SLC30A4: variants seen among roughly 807,000 people sequenced by gnomAD.
The protein encoded by SLC30A4 is solute carrier family 30 member 4, also known as probable proton-coupled zinc antiporter SLC30A4.
A neutral mutation model predicts 41.7 loss-of-function variants in SLC30A4; 20 were observed. The ratio of observed to expected loss-of-function variants is 0.48; its 90% CI spans 0.34 to 0.70. The LOEUF (loss-of-function observed/expected upper bound fraction) is 0.70, where lower values mean the gene tolerates loss of function less well. Among genes scored for constraint, SLC30A4 ranks in the 30% least tolerant of loss-of-function variants. The pLI, the probability that SLC30A4 is intolerant of heterozygous loss-of-function variation, is 0.01. For synonymous variants in SLC30A4, 181 were observed against 195.9 expected (o/e 0.92, Z 0.64); for missense variants, 441 against 529.3 (o/e 0.83, Z 1.64).
intron 2 of SLC30A4, among the ~76,000 whole-genome samples, chr15:45,519,071 G>C (rs1892585528): frequency 6.6e-6 from 1 of 151,506 alleles, no homozygotes; most frequent in African/African-American, 2.4e-5. Context: ...AGTAGAGATG[G>C]GGTTTCACCA....
At position 45,511,178 on chromosome 15, in the gene SLC30A4, T is replaced by C; in HGVS notation, c.498A>G (p.Lys166=). 1 of 1,613,810 alleles carries C rather than the reference T, an allele frequency of 6.2e-7. No homozygotes were observed. Among genetic ancestry groups the C allele is most frequent in the South Asian group, 1.1e-5 (1 of 91,030 alleles). ...LTLLALWLSS[K]SPTKRFTFGF... ...CAAAGGTGAATCTTTTGGTTGGTGATTTTGATGATAGCCACAAAGCAAGCA... is the reference window on the plus strand; with the variant it reads ...CAAAGGTGAATCTTTTGGTTGGTGACTTTGATGATAGCCACAAAGCAAGCA... The change falls in exon 3 of 8, where the codon AAA becomes AAG. Residue 166 remains lysine, a synonymous_variant. Transcript: ENST00000261867.
intron 3 of SLC30A4, among the ~76,000 whole-genome samples, chr15:45,503,660 C>T (rs973213179): frequency 6.6e-6 from 1 of 151,156 alleles, no homozygotes; most frequent in Non-Finnish European, 1.5e-5. Flanking sequence ...AACAAACAGG[C>T]TGTGCATGGT....
rs375242187 is a variant in SLC30A4, at chr15:45,503,093, CAT to C, written c.538+8043_538+8044del. 2.8e-3 allele frequency: 426 copies of C among 151,888 alleles called. 1 individual carries two copies. The highest frequency in any genetic ancestry group is 9.8e-3 in the African/African-American group (406 of 41,420). 9.4% of individuals were successfully genotyped at this position (151,888 alleles called of 1,614,324 possible). A position where few individuals can be genotyped will look rare whatever the true frequency, so the allele number is the denominator to read the frequency against. On this transcript the variant is annotated intron_variant, in intron 3 of 7. Transcript: ENST00000261867. The stretch of plus-strand genomic sequence containing the variant: ...TATTATCAGTTTCTATACACCTTCA[CAT>C]GTGTAATATACTTTTATTGAATACT...
intron 3 of SLC30A4, among the ~76,000 whole-genome samples, chr15:45,492,373 A>C (rs1368002992): frequency 1.3e-5 from 2 of 152,168 alleles, no homozygotes; most frequent in Admixed American, 1.3e-4. Context: ...TAATCACAAG[A>C]AAGTATTACA....
chr15:45,507,090 G>T (rs1892171956), intron 3 of SLC30A4, among the ~76,000 whole-genome samples: 1 of 152,160 alleles, frequency 6.6e-6, no homozygotes, highest in East Asian at 1.9e-4. Flanking sequence ...GGGAGGCCGA[G>T]GCGGGTGGAT....
chr15:45,488,791 A>C, intron 5 of SLC30A4, 50 bp downstream of exon 5: 1 of 1,454,812 alleles, frequency 6.9e-7, no homozygotes, highest in Non-Finnish European at 9.6e-7. Context: ...CTTAGTTTTC[A>C]TGTTGAAATT....
Position 45,483,268 on chromosome 15 carries a change from T to C in SLC30A4, c.*1895A>G, listed in dbSNP as rs1466134755. The C allele has an allele frequency of 2.0e-5, 3 of 152,228 alleles. No homozygotes were observed. Among genetic ancestry groups the C allele is most frequent in the Non-Finnish European group, 4.4e-5 (3 of 68,048 alleles). The allele number at this position is 152,228 out of a possible 1,614,324, so 9.4% of individuals were successfully genotyped here. ...AATGTTTCCTATTCTTCATTTATAT[T>C]GTAAGTCATCTGCATGCTTATCTAG... On this transcript the variant is annotated 3_prime_UTR_variant, in exon 8 of 8. Transcript: ENST00000261867.
At chr15:45,513,400 A>C (rs960998659) in intron 2 of SLC30A4, among the ~76,000 whole-genome samples, 7 of 149,626 alleles carry the variant, frequency 4.7e-5, no homozygotes, top group Admixed American at 2.7e-4. Flanking sequence ...TTTTTTCAGG[A>C]GATGAGGTCT....
Position 45,487,543 on chromosome 15 carries a change from T to C in SLC30A4, c.984A>G (p.Val328=). The C allele has an allele frequency of 6.7e-7, 1 of 1,484,502 alleles. No individual in the cohort carries two copies. 92.0% of individuals were successfully genotyped at this position (1,484,502 alleles called of 1,614,324 possible). A position where few individuals can be genotyped will look rare whatever the true frequency, so the allele number is the denominator to read the frequency against. ...FTTFRIIWDT[V]VIILEGVPSH... ...AGATCTTACCTTCTAGTATTATAAC[T>C]ACTGTATCCCATATGATTCGAAATG... The change falls in exon 6 of 8, where the codon GTA becomes GTG. Residue 328 remains valine (V), a synonymous_variant. Transcript: ENST00000261867.
chr15:45,503,916 A>C (rs1892095779), intron 3 of SLC30A4, among the ~76,000 whole-genome samples: 1 of 152,236 alleles, frequency 6.6e-6, no homozygotes, highest in African/African-American at 2.4e-5. Context: ...ATTGCACTCC[A>C]GCCTGGGCAA....
intron 3 of SLC30A4, among the ~76,000 whole-genome samples, chr15:45,508,340 G>T (rs749102233): frequency 6.6e-6 from 1 of 152,100 alleles, no homozygotes; most frequent in African/African-American, 2.4e-5. Context: ...TTTACTTGGC[G>T]GAAAGTGTAG....
intron 3 of SLC30A4, among the ~76,000 whole-genome samples, chr15:45,491,987 T>A (rs1368193825): frequency 6.6e-6 from 1 of 152,190 alleles, no homozygotes; most frequent in Non-Finnish European, 1.5e-5. Context: ...AAACTTTTTT[T>A]AAAAATCAAA....
intron 2 of SLC30A4, 45 bp from the exon 3 acceptor site, chr15:45,511,329 A>T (rs1171876150): frequency 6.3e-6 from 9 of 1,436,682 alleles, no homozygotes; most frequent in Admixed American, 2.3e-5. Context: ...TTAATTTTTT[A>T]AAAAAGCAAG....
intron 2 of SLC30A4, among the ~76,000 whole-genome samples, chr15:45,520,247 C>T (rs958872920): frequency 8.6e-5 from 13 of 151,346 alleles, no homozygotes; most frequent in Middle Eastern, 3.4e-3. Flanking sequence ...ATTTTTATTA[C>T]TTATTTATTT....
At chr15:45,497,317 G>C (rs1160386892) in intron 3 of SLC30A4, 5 of 152,172 alleles carry the variant, frequency 3.3e-5, no homozygotes, top group African/African-American at 7.2e-5. Context: ...TGATATGCCA[G>C]TATCAGCCTC....
At position 45,482,763 on chromosome 15, in the gene SLC30A4, C is replaced by G. The variant is rs1891622353; in HGVS notation, c.*2400G>C. 6.6e-6 allele frequency: 1 copy of G among 152,114 alleles called. No individual in the cohort carries two copies. The highest frequency in any genetic ancestry group is 1.5e-5 in the Non-Finnish European group (1 of 68,014). 9.4% of individuals were successfully genotyped at this position (152,114 alleles called of 1,614,324 possible). ...TTCAAGTCATTATTTTAAATGACTTCACAATAGGAATCCCATCATGTATAT... is the reference window on the plus strand; with the variant it reads ...TTCAAGTCATTATTTTAAATGACTTGACAATAGGAATCCCATCATGTATAT... On this transcript the variant is annotated 3_prime_UTR_variant, in exon 8 of 8. Transcript: ENST00000261867.
In SLC30A4 at chr15:45,522,668, GC is replaced by G. The variant is rs1825122049; in HGVS notation, c.-177del. On this transcript the variant is annotated 5_prime_UTR_variant, in exon 1 of 8. Coordinates refer to ENST00000261867, the MANE Select transcript of SLC30A4 (RefSeq NM_013309.6). ...GCCCCCGGCCGGCTCAGCGAGGCGG[GC>G]TCGCGCTGCTCCACCCGCGGCCGCA... The G allele has an allele frequency of 4.5e-6, 1 of 222,592 alleles. No homozygotes were observed. The highest frequency in any genetic ancestry group is 2.3e-5 in the African/African-American group (1 of 43,832). The allele number at this position is 222,592 out of a possible 1,614,324, so 13.8% of individuals were successfully genotyped here.
chr15:45,490,492 A>T (rs200745859), intron 4 of SLC30A4, among the ~76,000 whole-genome samples: 2 of 152,374 alleles, frequency 1.3e-5, no homozygotes, highest in East Asian at 3.8e-4. Flanking sequence ...CTAAAAGTTA[A>T]ACAAGAACAA....
intron 3 of SLC30A4, among the ~76,000 whole-genome samples, chr15:45,501,643 G>C (rs987088710): frequency 6.6e-6 from 1 of 151,768 alleles, no homozygotes; most frequent in African/African-American, 2.4e-5. Context: ...TGAGACTATA[G>C]GTGCATGCCA....
Sources: allele counts gnomAD v4.1 joint callset (sites outside exome capture counted in the v4.1 genomes callset), GRCh38; gene constraint gnomAD v4.1.1; transcripts MANE v1.5; gene names NCBI Gene and HGNC (gene_info 2026-07-23, HGNC 2026-07-21).